The following STK32B variants were observed in gnomAD, a reference collection of about 807,000 sequenced individuals.
STK32B encodes serine/threonine-protein kinase 32B.
A neutral mutation model predicts 52.6 loss-of-function variants in STK32B; 43 were observed. The ratio of observed to expected loss-of-function variants is 0.82; its 90% CI spans 0.64 to 1.05. The LOEUF (loss-of-function observed/expected upper bound fraction) is 1.05, where lower values mean the gene tolerates loss of function less well. Ranked by LOEUF, STK32B falls within the 50% of genes least tolerant of loss-of-function variation. STK32B has a pLI of 0.00. For missense variants in STK32B, 621 were observed against 534.6 expected, an observed-to-expected ratio of 1.16 and a Z score of -1.59; for synonymous variants, 238 against 204.3, an observed-to-expected ratio of 1.17 and a Z score of -1.41.
At chr4:5,421,953 A>G (rs1025476845) in intron 6 of STK32B, among the ~76,000 whole-genome samples, 9 of 152,210 alleles carry the variant, frequency 5.9e-5, no homozygotes, top group African/African-American at 1.9e-4. Flanking sequence ...TCTGAAGTCT[A>G]TGCTTTTGCT....
At position 5,067,734 on chromosome 4, in the gene STK32B, A is replaced by G. The variant is rs147421798; in HGVS notation, c.52+15819A>G. ...CTGAGACTGAGTAATTTATAAATAA[A>G]AGAGGTCTAATTGGCTCATGGTTCT... is the stretch of plus-strand genomic sequence containing the variant. On this transcript the variant is annotated intron_variant, in intron 1 of 11. Coordinates refer to ENST00000282908, the MANE Select transcript of STK32B (RefSeq NM_018401.3). 2.3e-3 allele frequency among the ~76,000 whole-genome samples: 345 copies of G among 152,250 alleles called. 2 individuals carry two copies. The highest frequency in any genetic ancestry group is 6.9e-3 in the African/African-American group (287 of 41,534).
At chr4:5,388,793 TG>T (rs1736416519) in intron 4 of STK32B, among the ~76,000 whole-genome samples, 1 of 152,200 alleles carries the variant, frequency 6.6e-6, no homozygotes, top group Admixed American at 6.5e-5. Context: ...CACCCATTCA[TG>T]AAGGAATTAA....
At chr4:5,374,693 T>C (rs1463922335) in intron 4 of STK32B, among the ~76,000 whole-genome samples, 1 of 151,770 alleles carries the variant, frequency 6.6e-6, no homozygotes, top group African/African-American at 2.4e-5. Context: ...GGGTGGAGTC[T>C]TCACAGCTTA....
rs79707477 is a variant in STK32B at position 5,378,022 on chromosome 4, G to A, written c.435-20185G>A. Among the ~76,000 whole-genome samples the A allele has an allele frequency of 0.032, 4,828 of 152,288 alleles. 254 individuals are homozygous for A. The highest frequency in any genetic ancestry group is 0.11 in the African/African-American group (4,414 of 41,548). ...TTGAGATGGATTCTACTCTCGCTTT[G>A]TATTAAAAAGGGTAGTGGGAATTAG... On this transcript the variant is annotated intron_variant, in intron 4 of 11. Transcript: ENST00000282908. This position sits in a 1 kb window ranked among gnomAD's most constrained non-coding sequence, Gnocchi z 4.4.
intron 4 of STK32B, among the ~76,000 whole-genome samples, chr4:5,387,332 G>T (rs1351144584): frequency 6.6e-6 from 1 of 152,184 alleles, no homozygotes; most frequent in Admixed American, 6.5e-5. Context: ...CTAGGAATGG[G>T]CCCTGATTCG....
chr4:5,382,143 T>G (rs569697148), intron 4 of STK32B, among the ~76,000 whole-genome samples: 142 of 152,296 alleles, frequency 9.3e-4, no homozygotes, highest in Non-Finnish European at 1.8e-3. Context: ...CAAAGTCAAC[T>G]GACTTAAATG....
At chr4:5,249,489 T>C (rs9996822) in intron 3 of STK32B, among the ~76,000 whole-genome samples, 7,998 of 122,256 alleles carry the variant, frequency 0.065, 421 homozygotes, top group African/African-American at 0.18. Flanking sequence ...CTTCCTTCCT[T>C]CCTTCCTTCC....
chr4:5,435,803 A>G (rs1466396670), intron 6 of STK32B: 1 of 152,372 alleles, frequency 6.6e-6, no homozygotes, highest in Non-Finnish European at 1.5e-5. Context: ...GCATGAGGAG[A>G]TGAAGAGCAT....
rs907860526 is a variant in STK32B at position 5,398,778 on chromosome 4, G to A, written c.472+534G>A. On this transcript the variant is annotated intron_variant, in intron 5 of 11. Coordinates refer to ENST00000282908, the MANE Select transcript of STK32B (RefSeq NM_018401.3). The surrounding 1 kb of genome is among the most constrained non-coding windows in gnomAD (Gnocchi z 4.9). ...CTTTATGTGCACACAGATCTCCTAG[G>A]CATCTTCTCAAACTGATTTAGTAAG... Among the ~76,000 whole-genome samples, 1 of 151,878 alleles carries A rather than the reference G, an allele frequency of 6.6e-6. No individual in the cohort carries two copies. Among genetic ancestry groups the A allele is most frequent in the South Asian group, 2.1e-4 (1 of 4,810 alleles).
At chr4:5,443,679 G>A (rs969008728) in intron 6 of STK32B, among the ~76,000 whole-genome samples, 1 of 151,912 alleles carries the variant, frequency 6.6e-6, no homozygotes, top group Non-Finnish European at 1.5e-5. Flanking sequence ...GAGGCGCTCT[G>A]CTTTTTAGAG....
intron 3 of STK32B, among the ~76,000 whole-genome samples, chr4:5,191,247 C>G (rs1414593189): frequency 6.7e-6 from 1 of 149,212 alleles, no homozygotes; most frequent in African/African-American, 2.5e-5. Flanking sequence ...CTTGCCTTAT[C>G]CTGCATTCCT....
chr4:5,306,491 T>C (rs1416322964), intron 3 of STK32B, among the ~76,000 whole-genome samples: 1 of 151,936 alleles, frequency 6.6e-6, no homozygotes, highest in Non-Finnish European at 1.5e-5. Flanking sequence ...ATTGTAGCTT[T>C]AATCTTTATC....
chr4:5,034,719 C>T, the STK32B span, among the ~76,000 whole-genome samples: 6 of 152,208 alleles, frequency 3.9e-5, no homozygotes, highest in African/African-American at 1.4e-4. Flanking sequence ...CACACTCATT[C>T]AGCTGATGGG....
chr4:5,340,883 A>G (rs1362014317), intron 4 of STK32B, among the ~76,000 whole-genome samples: 1 of 152,200 alleles, frequency 6.6e-6, no homozygotes, highest in Non-Finnish European at 1.5e-5. Flanking sequence ...GCACATATAC[A>G]AATATCTCAT....
At position 5,386,136 on chromosome 4, in the gene STK32B, C is replaced by T. The variant is rs1027413988; in HGVS notation, c.435-12071C>T. Among the ~76,000 whole-genome samples the T allele has an allele frequency of 4.0e-5, 6 of 151,238 alleles. No homozygotes were observed. In the East Asian group the frequency reaches 7.8e-4, roughly 20 times the overall value. On this transcript the variant is annotated intron_variant, in intron 4 of 11. Transcript: ENST00000282908. This position sits in a 1 kb window ranked among gnomAD's most constrained non-coding sequence, Gnocchi z 4.5. ...CACCCACAGCTCTTGGCCCACAGTT[C>T]CTGGCCTTTGTACTCCCTGGACTCT...
the STK32B span, among the ~76,000 whole-genome samples, chr4:5,034,821 A>G: frequency 3.9e-5 from 6 of 152,240 alleles, no homozygotes; most frequent in African/African-American, 7.2e-5. Flanking sequence ...ACACTGGTTC[A>G]AAATGAATGT....
intron 3 of STK32B, among the ~76,000 whole-genome samples, chr4:5,316,196 GATATATA>G (rs1730685738): frequency 1.5e-5 from 1 of 68,036 alleles, no homozygotes; most frequent in Non-Finnish European, 2.3e-5. Context: ...TATATATTTA[GATATATA>G]ATATATATTA....
chr4:5,045,764 G>A, the STK32B span, among the ~76,000 whole-genome samples: 2 of 152,082 alleles, frequency 1.3e-5, no homozygotes, highest in Non-Finnish European at 2.9e-5. Flanking sequence ...TTTGTATCCC[G>A]AGACTTTGCT....
intron 4 of STK32B, among the ~76,000 whole-genome samples, chr4:5,344,764 T>C (rs1733335968): frequency 2.0e-5 from 3 of 152,128 alleles, no homozygotes; most frequent in African/African-American, 7.2e-5. Context: ...AACACCTTTC[T>C]TTAGTTAAAA....
Sources: allele counts gnomAD v4.1 joint callset (sites outside exome capture counted in the v4.1 genomes callset), GRCh38; gene constraint gnomAD v4.1.1; non-coding constraint Gnocchi (gnomAD v3.1); transcripts MANE v1.5; gene names NCBI Gene and HGNC (gene_info 2026-07-23, HGNC 2026-07-21).